KHDRBS2: variants seen among roughly 807,000 people sequenced by gnomAD.
KHDRBS2 encodes KH domain-containing, RNA-binding, signal transduction-associated protein 2.
Under a neutral mutation model 44.3 loss-of-function variants are expected in KHDRBS2, and 26 were observed. The observed-to-expected ratio is 0.59, with a 90% CI of 0.43 to 0.81. The LOEUF is 0.81. Ranked by LOEUF, KHDRBS2 falls within the 40% of genes least tolerant of loss-of-function variation. The pLI is 0.00. For missense variants in KHDRBS2, 476 were observed against 433.1 expected, an observed-to-expected ratio of 1.10 and a Z score of -0.88; for synonymous variants, 194 against 151.1, an observed-to-expected ratio of 1.28 and a Z score of -2.08.
intron 1 of KHDRBS2, among the ~76,000 whole-genome samples, chr6:62,283,223 A>G (rs80110343): frequency 0.035 from 5,344 of 152,216 alleles, 144 homozygotes; most frequent in Middle Eastern, 0.078. Flanking sequence ...GTAACAATCA[A>G]CTGAAATCAT....
intron 6 of KHDRBS2, among the ~76,000 whole-genome samples, chr6:61,872,383 T>G (rs541790571): frequency 6.6e-6 from 1 of 152,058 alleles, no homozygotes; most frequent in South Asian, 2.1e-4. Flanking sequence ...TTAGAAATAT[T>G]TCTGGATATA....
the KHDRBS2 span, among the ~76,000 whole-genome samples, chr6:61,628,535 A>AACC: frequency 6.6e-6 from 1 of 152,094 alleles, no homozygotes; most frequent in Non-Finnish European, 1.5e-5. Flanking sequence ...CTGTGTTCCA[A>AACC]ACCAATTACT....
chr6:62,044,727 T>C (rs1212060643), intron 3 of KHDRBS2, among the ~76,000 whole-genome samples: 1 of 152,018 alleles, frequency 6.6e-6, no homozygotes, highest in Non-Finnish European at 1.5e-5. Context: ...TTCAGTTATT[T>C]AGTTTTTCTG....
chr6:62,268,700 A>T (rs1170944304), intron 1 of KHDRBS2, among the ~76,000 whole-genome samples: 1 of 151,862 alleles, frequency 6.6e-6, no homozygotes, highest in Non-Finnish European at 1.5e-5. Context: ...TGTTTCCTCA[A>T]TTTTTTTTCA....
At chr6:62,149,177 C>T (rs1395598259) in intron 2 of KHDRBS2, among the ~76,000 whole-genome samples, 1 of 151,978 alleles carries the variant, frequency 6.6e-6, no homozygotes, top group African/African-American at 2.4e-5. Flanking sequence ...AAAATTTACA[C>T]CATTAAAGGA....
chr6:61,779,016 T>G (rs9452034), intron 6 of KHDRBS2, among the ~76,000 whole-genome samples: 4,605 of 152,274 alleles, frequency 0.03, 249 homozygotes, highest in African/African-American at 0.11. Context: ...CAAAATGTAC[T>G]CAAGTTTCTA....
rs547312910 is a variant in KHDRBS2 at position 61,852,121 on chromosome 6, C to A, written c.810+42514G>T. Among the ~76,000 whole-genome samples the A allele has an allele frequency of 3.9e-5, 6 of 152,038 alleles. 1 individual carries two copies. Among genetic ancestry groups the A allele is most frequent in the African/African-American group, 1.2e-4 (5 of 41,486 alleles). The stretch of plus-strand genomic sequence containing the variant: ...CCTGTAATCCCAGCTACTCGGGAGG[C>A]TGAGGCAGGAGAATCACTTGAACCT... On this transcript the variant is annotated intron_variant, in intron 6 of 8. Coordinates refer to ENST00000281156, the MANE Select transcript of KHDRBS2 (RefSeq NM_152688.4).
At chr6:61,799,026 A>AAC (rs1445867798) in intron 6 of KHDRBS2, among the ~76,000 whole-genome samples, 2 of 152,008 alleles carry the variant, frequency 1.3e-5, no homozygotes, top group African/African-American at 4.8e-5. Flanking sequence ...ACAGGTGAAA[A>AAC]ACTAGTCTGG....
At chr6:62,134,077 G>A (rs1232095089) in intron 2 of KHDRBS2, among the ~76,000 whole-genome samples, 2 of 152,182 alleles carry the variant, frequency 1.3e-5, no homozygotes, top group Non-Finnish European at 2.9e-5. Flanking sequence ...AAGTAATGAG[G>A]AGCCAAATGT....
chr6:61,826,453 T>A (rs1168036127), intron 6 of KHDRBS2, among the ~76,000 whole-genome samples: 1 of 151,986 alleles, frequency 6.6e-6, no homozygotes, highest in Non-Finnish European at 1.5e-5. Flanking sequence ...GGTGGCTGCT[T>A]TTACAGATTT....
chr6:61,891,493 G>A (rs902177314), intron 6 of KHDRBS2, among the ~76,000 whole-genome samples: 2 of 152,140 alleles, frequency 1.3e-5, no homozygotes, highest in Non-Finnish European at 2.9e-5. Context: ...GACTGGAATA[G>A]TTTCAGAAGG....
chr6:61,579,013 A>G, the KHDRBS2 span, among the ~76,000 whole-genome samples: 1 of 152,138 alleles, frequency 6.6e-6, no homozygotes, highest in African/African-American at 2.4e-5. Flanking sequence ...GTCACAAACT[A>G]TTAATTGTTT....
At chr6:61,936,868 T>C (rs1374289188) in intron 4 of KHDRBS2, among the ~76,000 whole-genome samples, 1 of 152,056 alleles carries the variant, frequency 6.6e-6, no homozygotes, top group Non-Finnish European at 1.5e-5. Flanking sequence ...TCTTTTTTTC[T>C]CTAAAAGGTT....
intron 6 of KHDRBS2, among the ~76,000 whole-genome samples, chr6:61,774,845 G>T (rs1454818900): frequency 3.9e-5 from 6 of 151,972 alleles, no homozygotes; most frequent in African/African-American, 9.7e-5. Context: ...CCAAAAAAGA[G>T]AATTTTAGAC....
the KHDRBS2 span, among the ~76,000 whole-genome samples, chr6:61,604,638 T>C: frequency 6.6e-6 from 1 of 152,104 alleles, no homozygotes; most frequent in Non-Finnish European, 1.5e-5. Flanking sequence ...CAGTGTTCCA[T>C]CTGCTAGTCT....
intron 3 of KHDRBS2, among the ~76,000 whole-genome samples, chr6:62,044,231 G>T (rs1363591651): frequency 6.6e-6 from 1 of 151,962 alleles, no homozygotes; most frequent in Non-Finnish European, 1.5e-5. Context: ...TTGGCAGGCT[G>T]AGGCAGGAGG....
intron 1 of KHDRBS2, among the ~76,000 whole-genome samples, chr6:62,187,082 C>T (rs1823593496): frequency 6.6e-6 from 1 of 152,124 alleles, no homozygotes; most frequent in African/African-American, 2.4e-5. Flanking sequence ...CAGAGTTCCA[C>T]AGTCCATCAT....
intron 6 of KHDRBS2, among the ~76,000 whole-genome samples, chr6:61,849,087 AT>A (rs1583155567): frequency 6.6e-6 from 1 of 152,096 alleles, no homozygotes; most frequent in East Asian, 1.9e-4. Context: ...TTAACAGCAG[AT>A]TTTCTTCAGT....
In KHDRBS2 at chr6:62,066,177, C is replaced by G. The variant is rs956551201; in HGVS notation, c.220-18183G>C. Among the ~76,000 whole-genome samples the G allele has an allele frequency of 6.6e-5, 10 of 151,784 alleles. No homozygotes were observed. In the East Asian group the frequency reaches 1.6e-3, roughly 24 times the overall value. ...TATTATATTAACAAACAGTCCTAATCTTAATTATAACTACAGCTCAAAAGC... is the reference window on the plus strand; with the variant it reads ...TATTATATTAACAAACAGTCCTAATGTTAATTATAACTACAGCTCAAAAGC... On this transcript the variant is annotated intron_variant, in intron 2 of 8. Transcript: ENST00000281156.
Sources: gnomAD v4.1 joint callset for allele counts (sites outside exome capture counted in the v4.1 genomes callset) on GRCh38, gnomAD v4.1.1 for gene constraint, MANE v1.5 for transcripts, NCBI Gene and HGNC (gene_info 2026-07-23, HGNC 2026-07-21) for gene names.